Variants in MBOAT1 observed in about 807,000 individuals in gnomAD.
MBOAT1 encodes membrane bound glycerophospholipid O-acyltransferase 1, also known as membrane-bound glycerophospholipid O-acyltransferase 1.
In MBOAT1, 67 loss-of-function variants were observed where a neutral mutation model predicts 64.4. The observed-to-expected ratio is 1.04, with a 90% confidence interval of 0.85 to 1.27. The LOEUF is 1.27. Among genes scored for constraint, MBOAT1 ranks in the 50% most tolerant of loss-of-function variants. MBOAT1 has a pLI of 0.00. For synonymous variants in MBOAT1, 229 were observed against 218.9 expected (o/e 1.05, Z -0.41); for missense variants, 563 against 604.6 (o/e 0.93, Z 0.72).
At chr6:20,182,857 C>A (rs905753611) in intron 1 of MBOAT1, among the ~76,000 whole-genome samples, 3 of 152,146 alleles carry the variant, frequency 2.0e-5, no homozygotes, top group African/African-American at 7.2e-5. Flanking sequence ...GTGTGTTTTC[C>A]GATTGATTGT....
chr6:20,137,404 T>C (rs981724215), intron 4 of MBOAT1, among the ~76,000 whole-genome samples: 4 of 152,316 alleles, frequency 2.6e-5, no homozygotes, highest in Non-Finnish European at 5.9e-5. Context: ...AGAATCAGTT[T>C]GCTCTCACAA....
chr6:20,130,068 A>G (rs1760771746), intron 5 of MBOAT1, among the ~76,000 whole-genome samples: 1 of 152,234 alleles, frequency 6.6e-6, no homozygotes, highest in Non-Finnish European at 1.5e-5. Context: ...TAAGGAAACT[A>G]GCTGTCAGAG....
chr6:20,185,484 C>G (rs1762625081), intron 1 of MBOAT1, among the ~76,000 whole-genome samples: 1 of 152,170 alleles, frequency 6.6e-6, no homozygotes, highest in Non-Finnish European at 1.5e-5. Flanking sequence ...AGTTTGACCT[C>G]CCTGGAAGAA....
intron 3 of MBOAT1, among the ~76,000 whole-genome samples, chr6:20,147,353 C>G (rs553780637): frequency 7.2e-5 from 11 of 152,298 alleles, no homozygotes; most frequent in African/African-American, 2.6e-4. Flanking sequence ...GAGATTGGCA[C>G]ATGAGGCTGG....
chr6:20,117,905 C>G (rs1189136578), intron 9 of MBOAT1, among the ~76,000 whole-genome samples: 2 of 152,114 alleles, frequency 1.3e-5, no homozygotes, highest in Non-Finnish European at 2.9e-5. Context: ...ATAATGAGAG[C>G]AGACCAAAAA....
chr6:20,138,929 G>A (rs776730337), intron 4 of MBOAT1, among the ~76,000 whole-genome samples: 2 of 152,118 alleles, frequency 1.3e-5, no homozygotes, highest in Non-Finnish European at 2.9e-5. Flanking sequence ...CCTTGCTTCC[G>A]GTGACTGACG....
chr6:20,177,786 A>C (rs80089500), intron 1 of MBOAT1, among the ~76,000 whole-genome samples: 4 of 140,538 alleles, frequency 2.8e-5, no homozygotes, highest in Non-Finnish European at 4.6e-5. Flanking sequence ...AAAAAAAAAA[A>C]AAAAACAAAA....
chr6:20,154,752 A>G (rs150054593), intron 1 of MBOAT1, among the ~76,000 whole-genome samples: 1 of 152,310 alleles, frequency 6.6e-6, no homozygotes, highest in East Asian at 1.9e-4. Context: ...CAAAATGTAT[A>G]TAGAAAAAGA....
chr6:20,119,803 C>T (rs80167365), intron 8 of MBOAT1, among the ~76,000 whole-genome samples: 2 of 152,104 alleles, frequency 1.3e-5, no homozygotes, highest in Admixed American at 6.5e-5. Flanking sequence ...GGAACTAATT[C>T]GTGAGTGACA....
intron 1 of MBOAT1, among the ~76,000 whole-genome samples, chr6:20,155,923 T>C (rs998336465): frequency 5.3e-5 from 8 of 152,196 alleles, no homozygotes; most frequent in African/African-American, 1.9e-4. Context: ...CCAAAGTGCT[T>C]GCAGTCTGGT....
chr6:20,142,481 G>A (rs1384576151), intron 4 of MBOAT1, among the ~76,000 whole-genome samples: 3 of 151,998 alleles, frequency 2.0e-5, no homozygotes, highest in African/African-American at 2.4e-5. Context: ...AGACGGTCTC[G>A]CTCTGCCACC....
At chr6:20,112,814 A>T in intron 11 of MBOAT1, 62 bp downstream of exon 11, 1 of 1,562,836 alleles carries the variant, frequency 6.4e-7, no homozygotes, top group Non-Finnish European at 8.7e-7. Flanking sequence ...GACCCAACAG[A>T]TAACAAACAT....
chr6:20,200,529 T>G (rs908084612), intron 1 of MBOAT1, among the ~76,000 whole-genome samples: 3 of 152,128 alleles, frequency 2.0e-5, no homozygotes, highest in Admixed American at 6.5e-5. Flanking sequence ...TTTTTATCCC[T>G]AAGGCACAAG....
At chr6:20,154,003 G>T (rs1294713069) in intron 1 of MBOAT1, among the ~76,000 whole-genome samples, 1 of 152,150 alleles carries the variant, frequency 6.6e-6, no homozygotes, top group Non-Finnish European at 1.5e-5. Context: ...TTCACTTTTA[G>T]AAGGCACTTA....
At position 20,118,503 on chromosome 6, in the gene MBOAT1, G is replaced by A. The variant is rs140739299; in HGVS notation, c.945C>T (p.Ser315=). 97 of 1,613,912 alleles carry A rather than the reference G, an allele frequency of 6.0e-5. No homozygotes were observed. In the African/African-American group the frequency reaches 9.7e-4, roughly 16 times the overall value. ...AVNNAAGFGF[S]GVDKNGNFCW... Reference sequence around the variant, plus strand: ...AGAAATTCCCATTCTTATCCACTCCGCTGAACCCAAAGCCAGCTGCGTTAT... The same window carrying A: ...AGAAATTCCCATTCTTATCCACTCCACTGAACCCAAAGCCAGCTGCGTTAT... Residue 315 remains serine (S), a synonymous_variant, in exon 9 of 13, where the codon AGC becomes AGT. Coordinates refer to ENST00000324607, the MANE Select transcript of MBOAT1 (RefSeq NM_001080480.3).
intron 4 of MBOAT1, among the ~76,000 whole-genome samples, chr6:20,137,171 A>G (rs567494848): frequency 6.6e-6 from 1 of 152,296 alleles, no homozygotes; most frequent in South Asian, 2.1e-4. Flanking sequence ...TGATGGTGAA[A>G]CTGCCTTCCA....
Position 20,112,877 on chromosome 6 carries a change from G to T in MBOAT1, c.1208C>A (p.Ala403Glu), listed in dbSNP as rs201340830. Residue 403 changes from alanine to glutamate, a missense_variant and splice_region_variant, in exon 11 of 13, where the codon GCG (alanine) becomes GAG (glutamate). By Grantham distance (107) the Ala-to-Glu change is moderately radical. Transcript: ENST00000324607. ...ACCCTAGGCCTAAAGCACACTTACC[G>T]CTCTAGCTGCTAATGTGACAAGAAT... ...TGILVTLAAR[A>E]VRNNYRHYFL... 2 of 1,612,990 alleles carry T rather than the reference G, an allele frequency of 1.2e-6. No individual in the cohort carries two copies. The highest frequency in any genetic ancestry group is 1.7e-6 in the Non-Finnish European group (2 of 1,179,410).
At chr6:20,171,764 T>C (rs1251371419) in intron 1 of MBOAT1, among the ~76,000 whole-genome samples, 1 of 151,676 alleles carries the variant, frequency 6.6e-6, no homozygotes, top group Non-Finnish European at 1.5e-5. Context: ...CCAGGCGCAG[T>C]GGCTCATGCC....
intron 1 of MBOAT1, among the ~76,000 whole-genome samples, chr6:20,164,174 TACAC>T (rs35199956): frequency 0.067 from 9,933 of 147,338 alleles, 362 homozygotes; most frequent in Non-Finnish European, 0.082. Flanking sequence ...TATGTGCATG[TACAC>T]ACACACACAC....
Sources: allele counts gnomAD v4.1 joint callset (sites outside exome capture counted in the v4.1 genomes callset), GRCh38; gene constraint gnomAD v4.1.1; transcripts MANE v1.5; gene names NCBI Gene and HGNC (gene_info 2026-07-23, HGNC 2026-07-21).